Variants in SIPA1L1 observed in about 807,000 individuals in gnomAD.
SIPA1L1 encodes signal induced proliferation associated 1 like 1.
A neutral mutation model predicts 162.7 loss-of-function variants in SIPA1L1; 26 were observed. The observed-to-expected ratio is 0.16, with a 90% CI of 0.12 to 0.22. The LOEUF (loss-of-function observed/expected upper bound fraction) is 0.22, where lower values mean the gene tolerates loss of function less well. Ranked by LOEUF, SIPA1L1 falls within the 10% of genes least tolerant of loss-of-function variation. SIPA1L1 has a pLI of 1.00. For synonymous variants in SIPA1L1, 829 were observed against 837.4 expected, an observed-to-expected ratio of 0.99 and a Z score of 0.17; for missense variants, 1,874 against 2,241.0, an observed-to-expected ratio of 0.84 and a Z score of 3.31.
At chr14:71,361,579 C>G (rs1186641395) in intron 2 of SIPA1L1, among the ~76,000 whole-genome samples, 2 of 152,144 alleles carry the variant, frequency 1.3e-5, no homozygotes, top group Admixed American at 1.3e-4. Context: ...TAAGAACTTG[C>G]TGTGCAGTCA....
intron 4 of SIPA1L1, among the ~76,000 whole-genome samples, chr14:71,544,787 T>C (rs2055026642): frequency 6.6e-6 from 1 of 152,228 alleles, no homozygotes; most frequent in South Asian, 2.1e-4. Context: ...TCTCTTCTGT[T>C]CCACTGGTCT....
rs1464944825 is a variant in SIPA1L1, at chr14:71,682,390, A to G, written c.3105-2972A>G. Among the ~76,000 whole-genome samples, 7 of 152,326 alleles carry G rather than the reference A, an allele frequency of 4.6e-5. No homozygotes were observed. In the East Asian group the frequency reaches 9.6e-4, roughly 21 times the overall value. ...AGTCTGTTGTATACTTCTTGATTCT[A>G]CATAACGTTCTTCTGTTTTGCAGAG... On this transcript the variant is annotated intron_variant, in intron 12 of 23. Coordinates refer to ENST00000381232, the MANE Select transcript of SIPA1L1 (RefSeq NM_001386936.1).
At chr14:71,447,108 G>A (rs2045465834) in intron 2 of SIPA1L1, among the ~76,000 whole-genome samples, 2 of 150,812 alleles carry the variant, frequency 1.3e-5, no homozygotes, top group African/African-American at 2.4e-5. Flanking sequence ...TAGAGATAGG[G>A]TCTCACTGTG....
intron 2 of SIPA1L1, among the ~76,000 whole-genome samples, chr14:71,376,707 C>G (rs2039403100): frequency 6.6e-6 from 1 of 151,972 alleles, no homozygotes; most frequent in Non-Finnish European, 1.5e-5. Flanking sequence ...GCAGAGGACC[C>G]TGCGGCCTTC....
chr14:71,712,206 C>G (rs2082923982), intron 17 of SIPA1L1, among the ~76,000 whole-genome samples: 1 of 152,188 alleles, frequency 6.6e-6, no homozygotes, highest in Admixed American at 6.5e-5. Context: ...TTCACTGCAT[C>G]TTTCTGGCTG....
At chr14:71,476,953 G>A (rs1243206666) in intron 2 of SIPA1L1, among the ~76,000 whole-genome samples, 2 of 151,874 alleles carry the variant, frequency 1.3e-5, no homozygotes, top group African/African-American at 2.4e-5. Context: ...CTTCTACCTC[G>A]CTCAAAAAGT....
intron 7 of SIPA1L1, among the ~76,000 whole-genome samples, chr14:71,645,566 A>G (rs757763836): frequency 2.6e-5 from 4 of 152,222 alleles, no homozygotes; most frequent in Non-Finnish European, 5.9e-5. Context: ...CATATACTCA[A>G]GTGTCTAGAT....
intron 2 of SIPA1L1, among the ~76,000 whole-genome samples, chr14:71,358,256 A>G (rs1334223307): frequency 2.0e-5 from 3 of 152,240 alleles, no homozygotes; most frequent in Non-Finnish European, 4.4e-5. Flanking sequence ...TTTTGTTCAA[A>G]ATAACACTTG....
intron 2 of SIPA1L1, among the ~76,000 whole-genome samples, chr14:71,402,867 T>C (rs541919746): frequency 6.6e-6 from 1 of 152,284 alleles, no homozygotes; most frequent in East Asian, 1.9e-4. Flanking sequence ...TTTCTAGATG[T>C]CCTAGATTTT....
At chr14:71,717,252 A>C (rs116629174) in intron 17 of SIPA1L1, among the ~76,000 whole-genome samples, 2,995 of 152,288 alleles carry the variant, frequency 0.02, 44 homozygotes, top group South Asian at 0.057. Flanking sequence ...TTCAAAATTA[A>C]TATCCTGACA....
chr14:71,430,261 A>G (rs775546113), intron 2 of SIPA1L1, among the ~76,000 whole-genome samples: 6 of 151,200 alleles, frequency 4.0e-5, no homozygotes, highest in Non-Finnish European at 7.4e-5. Flanking sequence ...TTTTTTTTGC[A>G]TGGTTGTCTG....
chr14:71,528,103 C>T (rs889752012), intron 3 of SIPA1L1, among the ~76,000 whole-genome samples: 1 of 152,114 alleles, frequency 6.6e-6, no homozygotes, highest in African/African-American at 2.4e-5. Context: ...TTAAAAATCT[C>T]AAGTTCTGTG....
intron 8 of SIPA1L1, among the ~76,000 whole-genome samples, chr14:71,651,882 CCAA>C (rs2042648904): frequency 1.3e-5 from 2 of 152,112 alleles, no homozygotes; most frequent in Non-Finnish European, 2.9e-5. Flanking sequence ...TCCAATTATC[CCAA>C]CAACTGCAAA....
intron 4 of SIPA1L1, among the ~76,000 whole-genome samples, chr14:71,564,198 C>T (rs1252035865): frequency 1.3e-5 from 2 of 152,092 alleles, no homozygotes; most frequent in Non-Finnish European, 2.9e-5. Flanking sequence ...ATCCTCTTGC[C>T]TCAGCCTCCC....
At chr14:71,430,038 A>G (rs1289406024) in intron 2 of SIPA1L1, among the ~76,000 whole-genome samples, 1 of 152,212 alleles carries the variant, frequency 6.6e-6, no homozygotes, top group Non-Finnish European at 1.5e-5. Context: ...GAAGTTTGGA[A>G]GACTTCTTCA....
chr14:71,733,915 C>T (rs930562419), intron 21 of SIPA1L1, 103 bp downstream of exon 21: 1 of 1,227,826 alleles, frequency 8.1e-7, no homozygotes, highest in Non-Finnish European at 1.1e-6. Context: ...ATATGTGCCT[C>T]ACCAGATGAG....
chr14:71,588,472 A>G lies in SIPA1L1; in HGVS notation c.600A>G (p.Pro200=), dbSNP rs759821887. ...ECISPTYKTG[P]SLHREYGSTS... Reference sequence around the variant, plus strand: ...TCTCACCTACATACAAGACTGGACCATCACTGCACAGGGAATATGGTAGCA... The same window carrying G: ...TCTCACCTACATACAAGACTGGACCGTCACTGCACAGGGAATATGGTAGCA... Residue 200 remains proline (P), a synonymous_variant, in exon 5 of 24, where the codon CCA becomes CCG. Transcript: ENST00000381232. This position sits in a 1 kb window ranked among gnomAD's most constrained non-coding sequence, Gnocchi z 4.3. The G allele has an allele frequency of 2.5e-6, 4 of 1,614,154 alleles. No homozygotes were observed. Among genetic ancestry groups the G allele is most frequent in the Admixed American group, 1.7e-5 (1 of 60,024 alleles).
At chr14:71,408,241 A>G (rs2042164824) in intron 2 of SIPA1L1, among the ~76,000 whole-genome samples, 1 of 152,192 alleles carries the variant, frequency 6.6e-6, no homozygotes, top group African/African-American at 2.4e-5. Context: ...GTGGTATTTA[A>G]GCTTCCCAAG....
chr14:71,498,718 T>G (rs1359076570), intron 2 of SIPA1L1, among the ~76,000 whole-genome samples: 1 of 152,204 alleles, frequency 6.6e-6, no homozygotes, highest in East Asian at 1.9e-4. Flanking sequence ...TGTTTTTTCT[T>G]TATGTAATTT....
Sources: allele counts gnomAD v4.1 joint callset (sites outside exome capture counted in the v4.1 genomes callset), GRCh38; gene constraint gnomAD v4.1.1; non-coding constraint Gnocchi (gnomAD v3.1); transcripts MANE v1.5; gene names NCBI Gene and HGNC (gene_info 2026-07-23, HGNC 2026-07-21).